Variants in PLEKHG3 observed in about 807,000 individuals in gnomAD.
PLEKHG3 encodes pleckstrin homology domain-containing family G member 3.
A neutral mutation model predicts 94.9 loss-of-function variants in PLEKHG3; 62 were observed. That is an observed-to-expected ratio of 0.65 (90% confidence interval 0.53 to 0.81). PLEKHG3 has a LOEUF of 0.81. Ranked by LOEUF, PLEKHG3 falls within the 30% of genes least tolerant of loss-of-function variation. PLEKHG3 has a pLI of 0.00. For missense variants in PLEKHG3, 1,461 were observed against 1,619.3 expected, an observed-to-expected ratio of 0.90 and a Z score of 1.68; for synonymous variants, 614 against 654.0, an observed-to-expected ratio of 0.94 and a Z score of 0.93.
At chr14:64,707,169 C>T (rs2080985032) in intron 1 of PLEKHG3, among the ~76,000 whole-genome samples, 1 of 152,250 alleles carries the variant, frequency 6.6e-6, no homozygotes, top group Admixed American at 6.5e-5. Flanking sequence ...AGCAGAAGCC[C>T]TCCAGCGGGG....
chr14:64,735,871 C>G (rs2081559693), intron 12 of PLEKHG3, among the ~76,000 whole-genome samples: 1 of 152,230 alleles, frequency 6.6e-6, no homozygotes, highest in Non-Finnish European at 1.5e-5. Flanking sequence ...TTATGTCTCA[C>G]TTATTAAATA....
At chr14:64,707,562 A>G (rs1209970272) in intron 1 of PLEKHG3, among the ~76,000 whole-genome samples, 2 of 152,274 alleles carry the variant, frequency 1.3e-5, no homozygotes, top group African/African-American at 4.8e-5. Context: ...CAAGTGTGTT[A>G]GTGATAAACA....
In PLEKHG3 at chr14:64,742,054, T is replaced by C; in HGVS notation, c.2537T>C (p.Leu846Pro). 2 of 1,604,022 alleles carry C rather than the reference T, an allele frequency of 1.2e-6. No homozygotes were observed. Among genetic ancestry groups the C allele is most frequent in the Non-Finnish European group, 1.7e-6 (2 of 1,174,526 alleles). Reference sequence around the variant, plus strand: ...AATGGCTTTGACCTGCATGAGCCACTCTTCATCCTGGAGGAGCATGAGCTG... The same window carrying C: ...AATGGCTTTGACCTGCATGAGCCACCCTTCATCCTGGAGGAGCATGAGCTG... ...QANGFDLHEP[L>P]FILEEHELGA... The change falls in exon 16 of 17, where the codon CTC (leucine) becomes CCC (proline). Residue 846 changes from leucine (L) to proline (P), a missense_variant. By Grantham distance (98) the Leu-to-Pro change is moderately conservative. This residue lies in a region of PLEKHG3 where 1,201 missense variants were observed against 1,295.5 expected (regional missense o/e 0.93). Coordinates refer to ENST00000247226, the MANE Select transcript of PLEKHG3 (RefSeq NM_001308147.2).
At chr14:64,706,735 C>G (rs547652430) in intron 1 of PLEKHG3, among the ~76,000 whole-genome samples, 4 of 152,378 alleles carry the variant, frequency 2.6e-5, no homozygotes, top group Admixed American at 2.0e-4. Flanking sequence ...CCCACGGTCA[C>G]TGTTTACGCT....
rs963445091 is a variant in PLEKHG3, at chr14:64,726,739, G to T, written c.-39-854G>T. ...GCTTAGCCCTGGGGAATTTCCTGGG[G>T]CCTGGGATGAGTCAGAGGCAGCCTG... is the stretch of plus-strand genomic sequence containing the variant. On this transcript the variant is annotated intron_variant, in intron 1 of 16. Transcript: ENST00000247226. This position sits in a 1 kb window ranked among gnomAD's most constrained non-coding sequence, Gnocchi z 5.1. Among the ~76,000 whole-genome samples, 1 of 152,188 alleles carries T rather than the reference G, an allele frequency of 6.6e-6. No homozygotes were observed. Among genetic ancestry groups the T allele is most frequent in the Admixed American group, 6.5e-5 (1 of 15,286 alleles).
Position 64,731,030 on chromosome 14 carries a change from C to G in PLEKHG3, c.718-8C>G. The G allele has an allele frequency of 6.2e-7, 1 of 1,614,088 alleles. No homozygotes were observed. Among genetic ancestry groups the G allele is most frequent in the Non-Finnish European group, 8.5e-7 (1 of 1,180,020 alleles). ...TCAGGGGCACCTAAGCGTCTATCTT[C>G]TGCGCAGGAAATTGCCAAGCATTTT... On this transcript the variant is annotated splice_region_variant and splice_polypyrimidine_tract_variant and intron_variant, in intron 6 of 16. Transcript: ENST00000247226. The surrounding 1 kb of genome is among the most constrained non-coding windows in gnomAD (Gnocchi z 6.1).
rs1594684751 is a variant in PLEKHG3 at position 64,727,681 on chromosome 14, T to C, written c.50T>C (p.Val17Ala). 1 of 1,612,314 alleles carries C rather than the reference T, an allele frequency of 6.2e-7. No homozygotes were observed. Among genetic ancestry groups the C allele is most frequent in the African/African-American group, 1.3e-5 (1 of 74,910 alleles). ...LHQDGSQERP[V>A]SLTSTTSSSG... ...CAGGATGGCAGCCAGGAGCGGCCGG[T>C]GAGCCTGACCTCTACCACCTCCTCG... Residue 17 changes from valine to alanine, a missense_variant, in exon 2 of 17, where the codon GTG (valine) becomes GCG (alanine). Coordinates refer to ENST00000247226, the MANE Select transcript of PLEKHG3 (RefSeq NM_001308147.2). This position sits in a 1 kb window ranked among gnomAD's most constrained non-coding sequence, Gnocchi z 6.0.
Position 64,732,663 on chromosome 14 carries a change from C to A in PLEKHG3, c.1247-140C>A. 1 of 752,140 alleles carries A rather than the reference C, an allele frequency of 1.3e-6. No homozygotes were observed. The highest frequency in any genetic ancestry group is 2.2e-6 in the Non-Finnish European group (1 of 444,474). 46.6% of individuals were successfully genotyped at this position (752,140 alleles called of 1,614,324 possible). A position where few individuals can be genotyped will look rare whatever the true frequency, so the allele number is the denominator to read the frequency against. On this transcript the variant is annotated intron_variant, in intron 11 of 16. Coordinates refer to ENST00000247226, the MANE Select transcript of PLEKHG3 (RefSeq NM_001308147.2). The surrounding 1 kb of genome is among the most constrained non-coding windows in gnomAD (Gnocchi z 4.9). ...GACTCTCAGTGCCTGAAGCTCCCAG[C>A]TGGAAGATGGAGGGAGCTCTGGAGG...
Position 64,738,011 on chromosome 14 carries a change from G to A in PLEKHG3, c.1404+636G>A, listed in dbSNP as rs1175242786. On this transcript the variant is annotated intron_variant, in intron 14 of 16. Transcript: ENST00000247226. This position sits in a 1 kb window ranked among gnomAD's most constrained non-coding sequence, Gnocchi z 4.8. ...AGGAGGAGGAGGAGGAGGAAGAGCA[G>A]GCCTTTCAGGTCTCTCTGGAGGACC... 2.4e-6 allele frequency: 3 copies of A among 1,272,158 alleles called. No homozygotes were observed. The highest frequency in any genetic ancestry group is 2.5e-5 in the South Asian group (2 of 78,858). The allele number at this position is 1,272,158 out of a possible 1,614,324, so 78.8% of individuals were successfully genotyped here. A position where few individuals can be genotyped will look rare whatever the true frequency, so the allele number is the denominator to read the frequency against.
intron 12 of PLEKHG3, among the ~76,000 whole-genome samples, chr14:64,736,176 A>G (rs1350848867): frequency 1.3e-5 from 2 of 152,240 alleles, no homozygotes; most frequent in Non-Finnish European, 2.9e-5. Context: ...ACCTTGAGAC[A>G]AGGTCCTCTT....
Position 64,731,154 on chromosome 14 carries a change from C to T in PLEKHG3, c.834C>T (p.His278=), listed in dbSNP as rs375977937. ...YINDMKRRHE[H]AVRLQEIQSL... ...ACGACATGAAGAGGAGGCATGAGCA[C>T]GCGGTCCGGCTCCAGGTGCTCTGGG... The change falls in exon 7 of 17, where the codon CAC becomes CAT. Residue 278 remains histidine (H), a synonymous_variant. Transcript: ENST00000247226. The surrounding 1 kb of genome is among the most constrained non-coding windows in gnomAD (Gnocchi z 6.1). 4.8e-5 allele frequency: 78 copies of T among 1,608,518 alleles called. No homozygotes were observed. The African/African-American group carries it at 6.4e-4, about 13-fold the overall frequency.
In PLEKHG3 at chr14:64,725,933, C is replaced by CT. The variant is rs1350083735; in HGVS notation, c.-39-1659dup. On this transcript the variant is annotated intron_variant, in intron 1 of 16. Coordinates refer to ENST00000247226, the MANE Select transcript of PLEKHG3 (RefSeq NM_001308147.2). This position sits in a 1 kb window ranked among gnomAD's most constrained non-coding sequence, Gnocchi z 5.0. ...CCTTAAGACCCCTGCTTTTTAGTAA[C>CT]TAATGGTGTAGGGCAGAGGGTCTCA... Among the ~76,000 whole-genome samples the CT allele has an allele frequency of 4.6e-5, 7 of 152,180 alleles. No individual in the cohort carries two copies.
rs915825852 is a variant in PLEKHG3 at position 64,717,146 on chromosome 14, T to A, written c.-39-10447T>A. Reference sequence around the variant, plus strand: ...GTGTGTGTGTGTGTGTGTGTGTGTGTGTGAGTCCATAAGGTCTGCTTTGGA... The same window carrying A: ...GTGTGTGTGTGTGTGTGTGTGTGTGAGTGAGTCCATAAGGTCTGCTTTGGA... On this transcript the variant is annotated intron_variant, in intron 1 of 16. Transcript: ENST00000247226. This position sits in a 1 kb window ranked among gnomAD's most constrained non-coding sequence, Gnocchi z 4.7. Among the ~76,000 whole-genome samples the A allele has an allele frequency of 1.3e-5, 2 of 151,792 alleles. No homozygotes were observed. The highest frequency in any genetic ancestry group is 4.9e-5 in the African/African-American group (2 of 41,194).
In PLEKHG3 at chr14:64,715,452, G is replaced by A. The variant is rs1358580579; in HGVS notation, c.-40+10748G>A. Among the ~76,000 whole-genome samples the A allele has an allele frequency of 1.3e-5, 2 of 152,130 alleles. No individual in the cohort carries two copies. The highest frequency in any genetic ancestry group is 2.9e-5 in the Non-Finnish European group (2 of 68,024). Reference sequence around the variant, plus strand: ...GTTTTGCCTTATGTCTGGTATACTCGAATAAATGCTAGCTGAGGTTATTTC... The same window carrying A: ...GTTTTGCCTTATGTCTGGTATACTCAAATAAATGCTAGCTGAGGTTATTTC... On this transcript the variant is annotated intron_variant, in intron 1 of 16. Coordinates refer to ENST00000247226, the MANE Select transcript of PLEKHG3 (RefSeq NM_001308147.2). This position sits in a 1 kb window ranked among gnomAD's most constrained non-coding sequence, Gnocchi z 4.4.
In PLEKHG3 at chr14:64,730,846, A is replaced by C; in HGVS notation, c.614A>C (p.Lys205Thr). Residue 205 changes from lysine to threonine, a missense_variant, in exon 6 of 17, where the codon AAG becomes ACG. Lys to Thr is a moderately conservative substitution (Grantham distance 78). Around this residue, in one of 3 missense-constraint regions of PLEKHG3, gnomAD observed 253 missense variants for 297.8 expected, o/e 0.85. Coordinates refer to ENST00000247226, the MANE Select transcript of PLEKHG3 (RefSeq NM_001308147.2). The surrounding 1 kb of genome is among the most constrained non-coding windows in gnomAD (Gnocchi z 5.4). ...TGCATGCGGGACAAGCAGCAGGCCAAGTTCTTTCGGGACCGGCAGGAGCTG... is the reference window on the plus strand; with the variant it reads ...TGCATGCGGGACAAGCAGCAGGCCACGTTCTTTCGGGACCGGCAGGAGCTG... Reference protein sequence around the residue: ...TECMRDKQQAKFFRDRQELLQ... With the variant: ...TECMRDKQQATFFRDRQELLQ... 6.2e-7 allele frequency: 1 copy of C among 1,613,546 alleles called. No individual in the cohort carries two copies. Among genetic ancestry groups the C allele is most frequent in the Non-Finnish European group, 8.5e-7 (1 of 1,180,004 alleles).
rs1031822254 is a variant in PLEKHG3 at position 64,728,991 on chromosome 14, C to T, written c.352-5C>T. On this transcript the variant is annotated splice_polypyrimidine_tract_variant and splice_region_variant and intron_variant, in intron 2 of 16. Coordinates refer to ENST00000247226, the MANE Select transcript of PLEKHG3 (RefSeq NM_001308147.2). This position sits in a 1 kb window ranked among gnomAD's most constrained non-coding sequence, Gnocchi z 5.9. The stretch of plus-strand genomic sequence containing the variant: ...GCTAGGTTCTGACCACCTCCCTCCA[C>T]GCAGGACTACCTCTTGAAGATCATT... 2.0e-5 allele frequency: 28 copies of T among 1,398,350 alleles called. No homozygotes were observed. The highest frequency in any genetic ancestry group is 1.6e-4 in the South Asian group (13 of 80,874). 86.6% of individuals were successfully genotyped at this position (1,398,350 alleles called of 1,614,324 possible).
rs903963359 is a variant in PLEKHG3 at position 64,732,619 on chromosome 14, C to T, written c.1246+159C>T. Among the ~76,000 whole-genome samples, 1 of 152,094 alleles carries T rather than the reference C, an allele frequency of 6.6e-6. No homozygotes were observed. Among genetic ancestry groups the T allele is most frequent in the African/African-American group, 2.4e-5 (1 of 41,382 alleles). ...GGGGTGAACTACATGATTAAGGATGCTCTCCTGCTGAGCGGTGGGACTCTC... is the reference window on the plus strand; with the variant it reads ...GGGGTGAACTACATGATTAAGGATGTTCTCCTGCTGAGCGGTGGGACTCTC... On this transcript the variant is annotated intron_variant, in intron 11 of 16. Transcript: ENST00000247226. The surrounding 1 kb of genome is among the most constrained non-coding windows in gnomAD (Gnocchi z 4.9).
chr14:64,707,121 C>T (rs229662), intron 1 of PLEKHG3, among the ~76,000 whole-genome samples: 18,391 of 152,246 alleles, frequency 0.12, 1,226 homozygotes, highest in Middle Eastern at 0.18. Context: ...GCCTTTGTTC[C>T]GTGGCTGCAA....
Position 64,727,479 on chromosome 14 carries a change from A to G in PLEKHG3, c.-39-114A>G. 1 of 589,150 alleles carries G rather than the reference A, an allele frequency of 1.7e-6. No individual in the cohort carries two copies. The highest frequency in any genetic ancestry group is 2.0e-5 in the South Asian group (1 of 49,086). The allele number at this position is 589,150 out of a possible 1,614,324, so 36.5% of individuals were successfully genotyped here. A position where few individuals can be genotyped will look rare whatever the true frequency, so the allele number is the denominator to read the frequency against. ...TTCATCTTCTAAAACTGAACTCTGG[A>G]TGCACTAAATAATACCTTCCCACCC... On this transcript the variant is annotated intron_variant, in intron 1 of 16. Transcript: ENST00000247226. This position sits in a 1 kb window ranked among gnomAD's most constrained non-coding sequence, Gnocchi z 6.0.
Sources: allele counts gnomAD v4.1 joint callset (sites outside exome capture counted in the v4.1 genomes callset), GRCh38; gene constraint gnomAD v4.1.1; regional missense constraint gnomAD v4.1.1; non-coding constraint Gnocchi (gnomAD v3.1); transcripts MANE v1.5; gene names NCBI Gene and HGNC (gene_info 2026-07-23, HGNC 2026-07-21).